Variants in GPC4 observed in about 807,000 individuals in gnomAD.
The protein encoded by GPC4 is glypican 4, also known as glypican-4.
In GPC4, 10 loss-of-function variants were observed where a neutral mutation model predicts 35.0. The observed-to-expected ratio is 0.29, with a 90% CI of 0.18 to 0.48. The LOEUF (loss-of-function observed/expected upper bound fraction) is 0.48. Ranked by LOEUF, GPC4 falls within the 20% of genes least tolerant of loss-of-function variation. GPC4 has a pLI of 0.99. For missense variants in GPC4, 322 were observed against 451.3 expected, an observed-to-expected ratio of 0.71 and a Z score of 2.60; for synonymous variants, 167 against 170.2, an observed-to-expected ratio of 0.98 and a Z score of 0.15.
chrX:133,349,809 T>C (rs771299037), intron 1 of GPC4, among the ~76,000 whole-genome samples: 17 of 111,225 alleles, frequency 1.5e-4, no homozygotes, highest in Non-Finnish European at 2.6e-4. Context: ...TTTGTAGAGA[T>C]GGGGTTTCAC....
At chrX:133,358,730 A>G (rs765459393) in intron 1 of GPC4, among the ~76,000 whole-genome samples, 1 of 111,666 alleles carries the variant, frequency 9.0e-6, no homozygotes, top group South Asian at 3.8e-4. Context: ...TGCTGATGAC[A>G]GTATATCGAC....
intron 1 of GPC4, among the ~76,000 whole-genome samples, chrX:133,347,248 G>GTTTTGTT (rs2068495689): frequency 2.4e-4 from 6 of 25,426 alleles, no homozygotes; most frequent in Non-Finnish European, 4.0e-4. Context: ...TCTATTAGAA[G>GTTTTGTT]TTTTTTTTTT....
intron 1 of GPC4, among the ~76,000 whole-genome samples, chrX:133,354,125 C>A (rs1268335593): frequency 9.0e-6 from 1 of 111,663 alleles, no homozygotes; most frequent in South Asian, 3.8e-4. Context: ...ATTTTTAGCC[C>A]CTCTCCTTGA....
intron 1 of GPC4, among the ~76,000 whole-genome samples, chrX:133,385,630 C>T (rs1253441119): frequency 9.0e-5 from 10 of 111,688 alleles, no homozygotes; most frequent in Non-Finnish European, 1.3e-4. Flanking sequence ...GATAAAAATA[C>T]TCCTCTCTGA....
At chrX:133,331,805 A>G (rs182743573) in intron 2 of GPC4, among the ~76,000 whole-genome samples, 1 of 110,976 alleles carries the variant, frequency 9.0e-6, no homozygotes, top group East Asian at 2.8e-4. Flanking sequence ...TCATTATGAT[A>G]CCAATTTGCA....
chrX:133,324,118 A>G (rs988426957), intron 3 of GPC4, 27 bp downstream of exon 3: 6 of 1,150,876 alleles, frequency 5.2e-6, no homozygotes, highest in Non-Finnish European at 6.9e-6. Context: ...AAACAAAAAC[A>G]AAACAGAGAA....
At position 133,326,399 on chromosome X, in the gene GPC4, C is replaced by T. The variant is rs368534769; in HGVS notation, c.320-1863G>A. ...ACTTGCTATAAATGCAAATTCTTGG[C>T]CCCACCCCAGAGTTACTGAATCAGA... On this transcript the variant is annotated intron_variant, in intron 2 of 8. Coordinates refer to ENST00000370828, the MANE Select transcript of GPC4 (RefSeq NM_001448.3). 2.7e-5 allele frequency among the ~76,000 whole-genome samples: 3 copies of T among 111,732 alleles called. No homozygotes were observed. In the East Asian group the frequency reaches 8.5e-4, roughly 32 times the overall value.
chrX:133,380,482 G>A (rs190214881), intron 1 of GPC4, among the ~76,000 whole-genome samples: 24 of 110,039 alleles, frequency 2.2e-4, no homozygotes, highest in East Asian at 5.8e-4. Flanking sequence ...AATCCAAAGC[G>A]TCTTTAGTGA....
At chrX:133,386,966 T>C (rs1192712250) in intron 1 of GPC4, among the ~76,000 whole-genome samples, 1 of 111,503 alleles carries the variant, frequency 9.0e-6, no homozygotes, top group Non-Finnish European at 1.9e-5. Flanking sequence ...CCTCTGAGTG[T>C]TGAATCAGGA....
chrX:133,399,982 ACT>A (rs1347920046), intron 1 of GPC4, among the ~76,000 whole-genome samples: 2 of 111,375 alleles, frequency 1.8e-5, no homozygotes, highest in African/African-American at 6.5e-5. Context: ...ACAGAGCAAG[ACT>A]CTGTCCCAAA....
chrX:133,304,910 A>G, intron 6 of GPC4, 49 bp from the exon 7 acceptor site: 5 of 1,148,619 alleles, frequency 4.4e-6, no homozygotes, highest in Non-Finnish European at 6.0e-6. Flanking sequence ...AAGACAAGAC[A>G]AAACTACCTA....
intron 1 of GPC4, among the ~76,000 whole-genome samples, chrX:133,404,866 A>AAAAAGAAG (rs753375530): frequency 3.4e-5 from 3 of 89,270 alleles, no homozygotes; most frequent in East Asian, 7.2e-4. Context: ...AAAAAAAAAA[A>AAAAAGAAG]AAGGTGCAGA....
At chrX:133,329,465 A>G (rs1209128792) in intron 2 of GPC4, among the ~76,000 whole-genome samples, 1 of 111,677 alleles carries the variant, frequency 9.0e-6, no homozygotes, top group East Asian at 2.8e-4. Context: ...GCAAGGCCTT[A>G]TAAAATTGGG....
At chrX:133,326,389 A>G (rs1358830193) in intron 2 of GPC4, among the ~76,000 whole-genome samples, 1 of 111,693 alleles carries the variant, frequency 9.0e-6, no homozygotes, top group Non-Finnish European at 1.9e-5. Flanking sequence ...CTATAAATGC[A>G]AATTCTTGGC....
In GPC4 at chrX:133,340,106, A is replaced by T. The variant is rs186629544; in HGVS notation, c.161-765T>A. The stretch of plus-strand genomic sequence containing the variant: ...AAGAGTCAAGGGAAATGTCAAAGAC[A>T]CATCACTCCACAGCAACCCAACCCA... On this transcript the variant is annotated intron_variant, in intron 1 of 8. Coordinates refer to ENST00000370828, the MANE Select transcript of GPC4 (RefSeq NM_001448.3). Among the ~76,000 whole-genome samples, 488 of 111,030 alleles carry T rather than the reference A, an allele frequency of 4.4e-3. 5 individuals are homozygous for T. Among genetic ancestry groups the T allele is most frequent in the African/African-American group, 0.015 (462 of 30,503 alleles).
chrX:133,353,725 G>A (rs184729494), intron 1 of GPC4, among the ~76,000 whole-genome samples: 1 of 110,827 alleles, frequency 9.0e-6, no homozygotes, highest in Non-Finnish European at 1.9e-5. Flanking sequence ...GAGAGAAAAA[G>A]AAATGGAAGG....
intron 1 of GPC4, among the ~76,000 whole-genome samples, chrX:133,394,759 T>C (rs1462337647): frequency 9.0e-6 from 1 of 111,680 alleles, no homozygotes; most frequent in African/African-American, 3.3e-5. Context: ...CAGGAAGAGT[T>C]TGATTCTTTA....
At chrX:133,306,232 T>G (rs1463037547) in intron 4 of GPC4, 78 bp from the exon 5 acceptor site, 1 of 1,102,596 alleles carries the variant, frequency 9.1e-7, no homozygotes, top group African/African-American at 1.8e-5. Context: ...TCAATCTGAT[T>G]TTTTTTTCTG....
At chrX:133,391,381 T>G (rs1174908486) in intron 1 of GPC4, among the ~76,000 whole-genome samples, 1 of 112,012 alleles carries the variant, frequency 8.9e-6, no homozygotes. Flanking sequence ...ACTGATCGCT[T>G]CCTTTCCTCC....
Sources: gnomAD v4.1 joint callset for allele counts (sites outside exome capture counted in the v4.1 genomes callset) on GRCh38, gnomAD v4.1.1 for gene constraint, MANE v1.5 for transcripts, NCBI Gene and HGNC (gene_info 2026-07-23, HGNC 2026-07-21) for gene names.